The following FBN1 variants were observed in gnomAD, a reference collection of about 807,000 sequenced individuals.
The protein encoded by FBN1 is fibrillin-1.
In FBN1, 29 loss-of-function variants were observed where a neutral mutation model predicts 365.1. That is an observed-to-expected ratio of 0.08 (90% CI 0.06 to 0.11). FBN1 has a LOEUF of 0.11. Ranked by LOEUF, FBN1 falls within the 10% of genes least tolerant of loss-of-function variation. The pLI is 1.00. For synonymous variants in FBN1, 1,210 were observed against 1,270.5 expected, an observed-to-expected ratio of 0.95 and a Z score of 1.01; for missense variants, 2,476 against 3,703.2, an observed-to-expected ratio of 0.67 and a Z score of 8.60.
At chr15:48,641,848 G>A (rs1024336644) in intron 2 of FBN1, 3 of 152,120 alleles carry the variant, frequency 2.0e-5, no homozygotes, top group Non-Finnish European at 4.4e-5. Context: ...AGACTGTAAC[G>A]GCAATAAGCA....
chr15:48,596,401 A>G, intron 5 of FBN1, 23 bp from the exon 6 acceptor site: 1 of 1,601,890 alleles, frequency 6.2e-7, no homozygotes, highest in South Asian at 1.1e-5. Context: ...GAGAGAGCTG[A>G]GACGCTTTAC....
chr15:48,579,501 C>G (rs768186072), intron 6 of FBN1, among the ~76,000 whole-genome samples: 1 of 152,138 alleles, frequency 6.6e-6, no homozygotes, highest in Non-Finnish European at 1.5e-5. Context: ...ACATTTTCAT[C>G]TTTTAGAAAG....
chr15:48,530,071 C>T (rs1352609382), intron 8 of FBN1, among the ~76,000 whole-genome samples: 1 of 76,236 alleles, frequency 1.3e-5, no homozygotes, highest in African/African-American at 4.9e-5. Context: ...ATGCTGCATC[C>T]GCCGCCCGAT....
intron 10 of FBN1, 91 bp from the exon 11 acceptor site, chr15:48,516,453 T>C (rs1375574146): frequency 7.5e-7 from 1 of 1,338,996 alleles, no homozygotes; most frequent in Non-Finnish European, 1.0e-6. Flanking sequence ...TTTAAAGATA[T>C]TTTTGAATAA....
intron 2 of FBN1, among the ~76,000 whole-genome samples, chr15:48,620,947 A>G (rs1241151658): frequency 6.6e-6 from 1 of 152,238 alleles, no homozygotes; most frequent in African/African-American, 2.4e-5. Flanking sequence ...AGTGCTAAAC[A>G]AACATCCACA....
At chr15:48,465,968 T>A in intron 38 of FBN1, 110 bp from the exon 39 acceptor site, 1 of 785,764 alleles carries the variant, frequency 1.3e-6, no homozygotes, top group South Asian at 1.5e-5. Context: ...TTTTCAGGAA[T>A]CTTTAGTTGT....
chr15:48,568,737 T>C (rs1365036299), intron 6 of FBN1, among the ~76,000 whole-genome samples: 1 of 152,092 alleles, frequency 6.6e-6, no homozygotes, highest in Non-Finnish European at 1.5e-5. Flanking sequence ...GGAAATTCAA[T>C]GAGAAAAGAT....
At chr15:48,564,365 A>C (rs1256556950) in intron 6 of FBN1, among the ~76,000 whole-genome samples, 1 of 152,186 alleles carries the variant, frequency 6.6e-6, no homozygotes, top group Non-Finnish European at 1.5e-5. Flanking sequence ...CTGCTGGGAC[A>C]GGAAAGCATT....
intron 6 of FBN1, among the ~76,000 whole-genome samples, chr15:48,554,227 A>G (rs1444886852): frequency 1.3e-5 from 2 of 152,196 alleles, no homozygotes; most frequent in Non-Finnish European, 2.9e-5. Context: ...TGGAACGACA[A>G]TCTACATCTT....
intron 19 of FBN1, among the ~76,000 whole-genome samples, chr15:48,497,021 C>T (rs2043613783): frequency 6.6e-6 from 1 of 151,194 alleles, no homozygotes; most frequent in African/African-American, 2.4e-5. Context: ...AAATCTGATA[C>T]ATCATTATTT....
chr15:48,537,740 C>T lies in FBN1; in HGVS notation c.607G>A (p.Val203Ile), dbSNP rs1421272219. ...QMCQGQLSGI[V>I]CTKTLCCATV... is the part of the protein sequence containing the mutation. ...GCACAGCAGAGCGTTTTTGTGCAGA[C>T]AATCCCGCTGAGTTGTCCCTGGCAC... Residue 203 changes from valine to isoleucine, a missense_variant, in exon 7 of 66, where the codon GTC becomes ATC. Around this residue, in one of 5 missense-constraint regions of FBN1, gnomAD observed 421 missense variants for 520.1 expected, o/e 0.81. Transcript: ENST00000316623. 6.2e-7 allele frequency: 1 copy of T among 1,614,220 alleles called. No individual in the cohort carries two copies.
chr15:48,495,857 C>T (rs1314270556), intron 20 of FBN1, among the ~76,000 whole-genome samples: 1 of 152,132 alleles, frequency 6.6e-6, no homozygotes, highest in East Asian at 1.9e-4. Context: ...GAATGAATAG[C>T]TCAAATAGCA....
Position 48,426,629 on chromosome 15 carries a change from G to A in FBN1, c.7205-765C>T, listed in dbSNP as rs570829265. 4.6e-5 allele frequency among the ~76,000 whole-genome samples: 7 copies of A among 152,102 alleles called. No individual in the cohort carries two copies. In the South Asian group the frequency reaches 6.2e-4, roughly 14 times the overall value. ...GCCGATACAAGCACTTTCTACATGGGTTCTCAGCCCTTGACTGCCAAATAA... is the reference window on the plus strand; with the variant it reads ...GCCGATACAAGCACTTTCTACATGGATTCTCAGCCCTTGACTGCCAAATAA... On this transcript the variant is annotated intron_variant, in intron 58 of 65. Coordinates refer to ENST00000316623, the MANE Select transcript of FBN1 (RefSeq NM_000138.5).
chr15:48,633,103 T>A (rs927352710), intron 2 of FBN1, among the ~76,000 whole-genome samples: 11 of 152,154 alleles, frequency 7.2e-5, no homozygotes, highest in African/African-American at 2.7e-4. Context: ...CTGCCTAGAA[T>A]CATTGGAAAA....
chr15:48,540,071 A>C (rs994101193), intron 6 of FBN1, among the ~76,000 whole-genome samples: 18 of 152,328 alleles, frequency 1.2e-4, no homozygotes, highest in African/African-American at 3.6e-4. Context: ...AAAATGCAGG[A>C]ACTATGTGGA....
In FBN1 at chr15:48,469,549, T is replaced by C. The variant is rs145540849; in HGVS notation, c.4460-1015A>G. The stretch of plus-strand genomic sequence containing the variant: ...TGAACACTCATGAAATACTCAAGAA[T>C]AGACAAACGGCTTCTGTGAGGAGGG... On this transcript the variant is annotated intron_variant, in intron 36 of 65. Transcript: ENST00000316623. Among the ~76,000 whole-genome samples the C allele has an allele frequency of 6.8e-4, 104 of 152,246 alleles. 1 individual carries two copies. The East Asian group carries it at 0.019, about 29-fold the overall frequency.
chr15:48,552,472 A>G (rs1425793194), intron 6 of FBN1, among the ~76,000 whole-genome samples: 3 of 151,128 alleles, frequency 2.0e-5, no homozygotes, highest in Non-Finnish European at 4.4e-5. Flanking sequence ...GGGTCTCCCT[A>G]TGTTGCCCAG....
intron 2 of FBN1, chr15:48,644,251 C>A (rs1443191496): frequency 3.6e-6 from 1 of 277,774 alleles, no homozygotes; most frequent in East Asian, 7.6e-5. Flanking sequence ...AAAGTACTTT[C>A]CTCTAGAAAC....
intron 31 of FBN1, among the ~76,000 whole-genome samples, chr15:48,483,323 A>G (rs1044768685): frequency 6.6e-6 from 1 of 152,252 alleles, no homozygotes; most frequent in African/African-American, 2.4e-5. Context: ...TTAGAGGTGA[A>G]AACTACAACA....
Sources: gnomAD v4.1 joint callset for allele counts (sites outside exome capture counted in the v4.1 genomes callset) on GRCh38, gnomAD v4.1.1 for gene constraint, gnomAD v4.1.1 regional missense constraint, MANE v1.5 for transcripts, NCBI Gene and HGNC (gene_info 2026-07-23, HGNC 2026-07-21) for gene names.